The following ATOSA variants were observed in gnomAD, a reference collection of about 807,000 sequenced individuals.
ATOSA encodes atos homolog protein A.
chr15:52,620,343 A>G, the ATOSA span, among the ~76,000 whole-genome samples: 4 of 152,196 alleles, frequency 2.6e-5, no homozygotes. Flanking sequence ...TTTGTTCTCC[A>G]GAAAAACCAC....
At chr15:52,694,009 C>T in the ATOSA span, among the ~76,000 whole-genome samples, 1 of 152,054 alleles carries the variant, frequency 6.6e-6, no homozygotes, top group African/African-American at 2.4e-5. Flanking sequence ...GTTAAGTGCA[C>T]CATATGGTAT....
the ATOSA span, among the ~76,000 whole-genome samples, chr15:52,666,451 C>T: frequency 6.6e-6 from 1 of 152,188 alleles, no homozygotes; most frequent in Non-Finnish European, 1.5e-5. Context: ...TTACATAGCA[C>T]TCTATCTTGT....
At chr15:52,582,113 A>G in the ATOSA span, 1 of 1,475,266 alleles carries the variant, frequency 6.8e-7, no homozygotes. Flanking sequence ...TTTACTTGCA[A>G]ACTTGGGTAC....
the ATOSA span, among the ~76,000 whole-genome samples, chr15:52,597,358 C>T: frequency 6.6e-6 from 1 of 151,934 alleles, no homozygotes; most frequent in Non-Finnish European, 1.5e-5. Flanking sequence ...TTTAATAACC[C>T]CGAAGTGGTG....
the ATOSA span, among the ~76,000 whole-genome samples, chr15:52,696,011 GT>G: frequency 6.6e-6 from 1 of 152,126 alleles, no homozygotes; most frequent in Non-Finnish European, 1.5e-5. Context: ...ATTACATGGG[GT>G]TTTAGGGACT....
At chr15:52,703,089 G>T in the ATOSA span, among the ~76,000 whole-genome samples, 1 of 152,100 alleles carries the variant, frequency 6.6e-6, no homozygotes, top group African/African-American at 2.4e-5. Context: ...AACAAACAGG[G>T]TCTGATACAC....
the ATOSA span, among the ~76,000 whole-genome samples, chr15:52,671,523 A>G: frequency 6.6e-6 from 1 of 152,198 alleles, no homozygotes; most frequent in South Asian, 2.1e-4. Context: ...GGTGTGAATA[A>G]GAGACAAGGT....
At chr15:52,684,941 C>T in the ATOSA span, among the ~76,000 whole-genome samples, 1 of 152,102 alleles carries the variant, frequency 6.6e-6, no homozygotes, top group Non-Finnish European at 1.5e-5. Flanking sequence ...AAATATACAG[C>T]AGATTTCAAA....
chr15:52,702,815 C>T, the ATOSA span, among the ~76,000 whole-genome samples: 4 of 138,408 alleles, frequency 2.9e-5, no homozygotes, highest in Admixed American at 7.1e-5. Flanking sequence ...GGGCAAAATA[C>T]GTGAATGGAT....
At chr15:52,605,858 C>G in the ATOSA span, among the ~76,000 whole-genome samples, 2 of 151,950 alleles carry the variant, frequency 1.3e-5, no homozygotes, top group Non-Finnish European at 2.9e-5. Flanking sequence ...CAGTGGATGC[C>G]TGAAACCACG....
chr15:52,608,716 C>T, the ATOSA span: 2 of 1,612,416 alleles, frequency 1.2e-6, no homozygotes, highest in East Asian at 2.2e-5. Context: ...ACATTTGAAA[C>T]CTTCATTATC....
At chr15:52,629,939 A>G in the ATOSA span, among the ~76,000 whole-genome samples, 2 of 152,224 alleles carry the variant, frequency 1.3e-5, no homozygotes, top group African/African-American at 2.4e-5. Flanking sequence ...CAGCAGGAAA[A>G]TAAGACAAAA....
chr15:52,673,995 A>G, the ATOSA span, among the ~76,000 whole-genome samples: 1 of 152,362 alleles, frequency 6.6e-6, no homozygotes, highest in East Asian at 1.9e-4. Flanking sequence ...TTTGTGGAAC[A>G]GATTTTGCAC....
chr15:52,703,948 G>A, the ATOSA span, among the ~76,000 whole-genome samples: 1 of 152,120 alleles, frequency 6.6e-6, no homozygotes, highest in African/African-American at 2.4e-5. Context: ...CTAGTTTGGT[G>A]TGACTTCCAG....
At chr15:52,629,141 G>A in the ATOSA span, among the ~76,000 whole-genome samples, 6 of 152,000 alleles carry the variant, frequency 3.9e-5, no homozygotes, top group African/African-American at 1.2e-4. Flanking sequence ...AGTTTTTTTG[G>A]ATTGCTTTTA....
chr15:52,614,436 GCTTA>G, the ATOSA span, among the ~76,000 whole-genome samples: 3 of 152,024 alleles, frequency 2.0e-5, no homozygotes, highest in African/African-American at 7.2e-5. Context: ...AGGTGTGGTA[GCTTA>G]CTTTTCTAAT....
the ATOSA span, chr15:52,613,690 T>C: frequency 1.2e-6 from 2 of 1,613,856 alleles, no homozygotes; most frequent in Non-Finnish European, 1.7e-6. Context: ...AGCTTGTCAC[T>C]ACATTCATGT....
the ATOSA span, chr15:52,609,426 A>T: frequency 1.9e-6 from 3 of 1,613,788 alleles, no homozygotes; most frequent in South Asian, 3.3e-5. Context: ...CTGTTGGATC[A>T]ATGTGCTCCA....
the ATOSA span, among the ~76,000 whole-genome samples, chr15:52,630,021 T>C: frequency 6.6e-6 from 1 of 152,048 alleles, no homozygotes; most frequent in Non-Finnish European, 1.5e-5. Flanking sequence ...GGCAGGACGT[T>C]GGTGGTGGTG....
Sources: gnomAD v4.1 joint callset for allele counts (sites outside exome capture counted in the v4.1 genomes callset) on GRCh38, gnomAD v4.1.1 for gene constraint, MANE v1.5 for transcripts, NCBI Gene and HGNC (gene_info 2026-07-23, HGNC 2026-07-21) for gene names.